KCNK2: variants seen among roughly 807,000 people sequenced by gnomAD.
The protein encoded by KCNK2 is potassium channel subfamily K member 2.
In KCNK2, 21 loss-of-function variants were observed where a neutral mutation model predicts 40.5. The ratio of observed to expected loss-of-function variants is 0.52; its 90% CI spans 0.37 to 0.75. The LOEUF is 0.75. Ranked by LOEUF, KCNK2 falls within the 30% of genes least tolerant of loss-of-function variation. KCNK2 has a pLI of 0.00. For synonymous variants in KCNK2, 191 were observed against 202.2 expected (o/e 0.94, Z 0.47); for missense variants, 399 against 531.6 (o/e 0.75, Z 2.45).
intron 6 of KCNK2, among the ~76,000 whole-genome samples, chr1:215,221,163 C>T (rs1335149932): frequency 6.6e-6 from 1 of 152,234 alleles, no homozygotes; most frequent in Non-Finnish European, 1.5e-5. Context: ...ATCATGAGGT[C>T]AGGAGTTTGA....
intron 6 of KCNK2, among the ~76,000 whole-genome samples, chr1:215,213,954 G>A (rs886799249): frequency 4.6e-5 from 7 of 151,886 alleles, no homozygotes; most frequent in African/African-American, 7.3e-5. Flanking sequence ...TCCATTTGTG[G>A]GTCTTTGCAT....
chr1:215,080,212 T>C (rs1659098193), upstream of KCNK2, among the ~76,000 whole-genome samples: 1 of 152,214 alleles, frequency 6.6e-6, no homozygotes, highest in Non-Finnish European at 1.5e-5. Context: ...TAAACAGGCA[T>C]ATTCAAACTA....
chr1:215,232,100 C>T (rs901735862), intron 6 of KCNK2, among the ~76,000 whole-genome samples: 1 of 152,080 alleles, frequency 6.6e-6, no homozygotes, highest in Non-Finnish European at 1.5e-5. Context: ...TTTCCACTTG[C>T]GGTAATACTT....
At chr1:215,041,320 T>C (rs1657553396) in intron 1 of KCNK2, among the ~76,000 whole-genome samples, 1 of 152,188 alleles carries the variant, frequency 6.6e-6, no homozygotes, top group African/African-American at 2.4e-5. Context: ...AAATTAAATA[T>C]GATAGTACAC....
At chr1:215,151,292 G>C (rs1662676442) in intron 3 of KCNK2, among the ~76,000 whole-genome samples, 1 of 152,012 alleles carries the variant, frequency 6.6e-6, no homozygotes, top group East Asian at 1.9e-4. Context: ...CATTGAGTAG[G>C]CCACCCTTAT....
chr1:215,121,616 C>A (rs1356054223), intron 2 of KCNK2, among the ~76,000 whole-genome samples: 1 of 152,038 alleles, frequency 6.6e-6, no homozygotes, highest in Non-Finnish European at 1.5e-5. Context: ...TTTGTCTTTT[C>A]AATATAAAAA....
At chr1:215,196,831 G>A (rs1192134051) in intron 6 of KCNK2, among the ~76,000 whole-genome samples, 1 of 152,068 alleles carries the variant, frequency 6.6e-6, no homozygotes, top group Non-Finnish European at 1.5e-5. Flanking sequence ...GGACAACATA[G>A]CTAAAAAGAG....
At chr1:215,199,656 TA>T (rs1228378094) in intron 6 of KCNK2, among the ~76,000 whole-genome samples, 1 of 152,240 alleles carries the variant, frequency 6.6e-6, no homozygotes, top group African/African-American at 2.4e-5. Context: ...TAAGCTAACT[TA>T]TCTTTTCTAT....
chr1:215,040,522 A>G lies in KCNK2; in HGVS notation c.34+34567A>G, dbSNP rs537039126. Among the ~76,000 whole-genome samples, 3 of 152,294 alleles carry G rather than the reference A, an allele frequency of 2.0e-5. No homozygotes were observed. The South Asian group carries it at 6.2e-4, about 32-fold the overall frequency. Reference sequence around the variant, plus strand: ...TTATTCCTTCAGAGCCTCAATTTACATAACTGTGTGACTAATGGGGATCCT... The same window carrying G: ...TTATTCCTTCAGAGCCTCAATTTACGTAACTGTGTGACTAATGGGGATCCT... On this transcript the variant is annotated intron_variant, in intron 1 of 6. Transcript: ENST00000391895.
Position 215,083,154 on chromosome 1 carries a change from C to A in KCNK2, c.-232C>A, listed in dbSNP as rs971304469. The A allele has an allele frequency of 6.6e-6, 6 of 912,024 alleles. No homozygotes were observed. Among genetic ancestry groups the A allele is most frequent in the African/African-American group, 1.6e-5 (1 of 60,850 alleles). 56.5% of individuals were successfully genotyped at this position (912,024 alleles called of 1,614,324 possible). A position where few individuals can be genotyped will look rare whatever the true frequency, so the allele number is the denominator to read the frequency against. ...CCGCCTCGCCCTCTGCCCAGCCCGC[C>A]GGTGTCCCCTCCTTCCCGCGATTTC... On this transcript the variant is annotated 5_prime_UTR_variant, in exon 1 of 7. Coordinates refer to ENST00000444842, the MANE Select transcript of KCNK2 (RefSeq NM_001017425.3).
chr1:215,135,132 G>C lies in KCNK2; in HGVS notation c.475+10382G>C, dbSNP rs146105643. ...ATCATGTGCTGTACATATTGATGCAGACTAGTTTTGCTTATGCTGCTTAGA... is the reference window on the plus strand; with the variant it reads ...ATCATGTGCTGTACATATTGATGCACACTAGTTTTGCTTATGCTGCTTAGA... On this transcript the variant is annotated intron_variant, in intron 3 of 6. Transcript: ENST00000444842. 3.2e-3 allele frequency among the ~76,000 whole-genome samples: 494 copies of C among 152,202 alleles called. 2 individuals carry two copies. The highest frequency in any genetic ancestry group is 5.4e-3 in the Non-Finnish European group (365 of 67,996).
chr1:215,066,857 C>G (rs528310636), intron 1 of KCNK2, among the ~76,000 whole-genome samples: 1 of 152,174 alleles, frequency 6.6e-6, no homozygotes, highest in African/African-American at 2.4e-5. Flanking sequence ...CTCTGCATGT[C>G]TCAACATGCG....
At chr1:215,107,795 G>C (rs1325993529) in intron 2 of KCNK2, among the ~76,000 whole-genome samples, 1 of 151,706 alleles carries the variant, frequency 6.6e-6, no homozygotes, top group Non-Finnish European at 1.5e-5. Context: ...CGGCATCCAG[G>C]GATTCAACAA....
At chr1:215,170,916 A>C (rs563968467) in intron 4 of KCNK2, among the ~76,000 whole-genome samples, 2 of 152,186 alleles carry the variant, frequency 1.3e-5, no homozygotes, top group African/African-American at 4.8e-5. Context: ...TGGTGATGAC[A>C]TTCCAGTAAT....
intron 1 of KCNK2, among the ~76,000 whole-genome samples, chr1:215,064,111 T>G (rs1218950068): frequency 6.6e-6 from 1 of 152,156 alleles, no homozygotes; most frequent in Non-Finnish European, 1.5e-5. Flanking sequence ...TTTTAGCATT[T>G]TTTTGATCGT....
intron 5 of KCNK2, among the ~76,000 whole-genome samples, chr1:215,187,849 TA>T (rs768043797): frequency 0.029 from 2,779 of 97,266 alleles, 51 homozygotes; most frequent in African/African-American, 0.088. Flanking sequence ...CTCAAAAATT[TA>T]AAAAAAAAAA....
chr1:215,050,482 T>A (rs975145234), intron 1 of KCNK2, among the ~76,000 whole-genome samples: 7 of 152,018 alleles, frequency 4.6e-5, no homozygotes, highest in African/African-American at 1.7e-4. Context: ...AACAAATAGA[T>A]AAAGTTCCTG....
At chr1:215,051,606 C>A (rs557615613) in intron 1 of KCNK2, among the ~76,000 whole-genome samples, 31 of 152,254 alleles carry the variant, frequency 2.0e-4, no homozygotes, top group African/African-American at 7.5e-4. Context: ...GGATGCTTGA[C>A]CAGAAACCTG....
At chr1:215,014,980 G>A (rs778436444) in intron 1 of KCNK2, among the ~76,000 whole-genome samples, 5 of 152,122 alleles carry the variant, frequency 3.3e-5, no homozygotes, top group South Asian at 2.1e-4. Context: ...GAGTAACATA[G>A]GCTAGTATTG....
Sources: allele counts gnomAD v4.1 joint callset (sites outside exome capture counted in the v4.1 genomes callset), GRCh38; gene constraint gnomAD v4.1.1; transcripts MANE v1.5; gene names NCBI Gene and HGNC (gene_info 2026-07-23, HGNC 2026-07-21).